Variants in CARM1 observed in about 807,000 individuals in gnomAD.
CARM1 encodes the protein coactivator associated arginine methyltransferase 1, also known as histone-arginine methyltransferase CARM1.
Under a neutral mutation model 72.7 loss-of-function variants are expected in CARM1, and 14 were observed. The observed-to-expected ratio is 0.19, with a 90% confidence interval of 0.13 to 0.30. The LOEUF is 0.30. CARM1 is among the 10% of genes least tolerant of loss of function. CARM1 has a pLI of 1.00. For synonymous variants in CARM1, 333 were observed against 345.5 expected (o/e 0.96, Z 0.40); for missense variants, 432 against 833.7 (o/e 0.52, Z 5.93).
chr19:10,885,542 C>G (rs963942627), intron 1 of CARM1, among the ~76,000 whole-genome samples: 7 of 152,332 alleles, frequency 4.6e-5, no homozygotes, highest in African/African-American at 1.7e-4. Context: ...CCAATCAGTG[C>G]TCTCGTGAAA....
chr19:10,881,026 C>T (rs1414621016), intron 1 of CARM1, among the ~76,000 whole-genome samples: 1 of 152,120 alleles, frequency 6.6e-6, no homozygotes, highest in Admixed American at 6.6e-5. Flanking sequence ...AATTAGCCGG[C>T]ATGGTGGCAC....
intron 1 of CARM1, among the ~76,000 whole-genome samples, chr19:10,874,204 GC>G (rs1478438290): frequency 6.6e-6 from 1 of 151,126 alleles, no homozygotes; most frequent in East Asian, 2.0e-4. Flanking sequence ...TGATCTTCCT[GC>G]CTCCCAGAAT....
At chr19:10,881,620 G>C (rs564368094) in intron 1 of CARM1, among the ~76,000 whole-genome samples, 1 of 152,112 alleles carries the variant, frequency 6.6e-6, no homozygotes, top group Non-Finnish European at 1.5e-5. Flanking sequence ...GGGCTGGGGT[G>C]GGGGAGGGGC....
In CARM1 at chr19:10,913,947, T is replaced by C; in HGVS notation, c.740T>C (p.Leu247Pro). 1 of 1,613,618 alleles carries C rather than the reference T, an allele frequency of 6.2e-7. No homozygotes were observed. Residue 247 changes from leucine (L) to proline (P), a missense_variant, in exon 6 of 16, where the codon CTC becomes CCC. By Grantham distance (98) the Leu-to-Pro change is moderately conservative. Around this residue, in one of 3 missense-constraint regions of CARM1, gnomAD observed 152 missense variants for 452.8 expected, o/e 0.34. Transcript: ENST00000327064. ...CCGGGCAAGGTGGAGGAGGTGTCAC[T>C]CCCCGAGCAGGTGGACATCATCATC... is the stretch of plus-strand genomic sequence containing the variant. ...VIPGKVEEVS[L>P]PEQVDIIISE...
intron 1 of CARM1, among the ~76,000 whole-genome samples, chr19:10,880,570 T>C (rs1435176274): frequency 6.7e-6 from 1 of 149,458 alleles, no homozygotes; most frequent in Non-Finnish European, 1.5e-5. Context: ...CTCAGGCGGA[T>C]GTGGAACTCC....
At position 10,915,489 on chromosome 19, in the gene CARM1, T is replaced by C. The variant is rs1568355994; in HGVS notation, c.848-918T>C. 6.6e-6 allele frequency among the ~76,000 whole-genome samples: 1 copy of C among 152,058 alleles called. No individual in the cohort carries two copies. Among genetic ancestry groups the C allele is most frequent in the East Asian group, 1.9e-4 (1 of 5,176 alleles). On this transcript the variant is annotated intron_variant, in intron 6 of 15. Coordinates refer to ENST00000327064, the MANE Select transcript of CARM1 (RefSeq NM_199141.2). This position sits in a 1 kb window ranked among gnomAD's most constrained non-coding sequence, Gnocchi z 4.6. ...GCAGCCCTCCCCTCTCCCAGTCACA[T>C]GTCTTCTGGTCAGCAGGAGCCAGAG...
chr19:10,921,686 A>C lies in CARM1; in HGVS notation c.1756A>C (p.Met586Leu). 6.2e-7 allele frequency: 1 copy of C among 1,613,614 alleles called. No individual in the cohort carries two copies. Among genetic ancestry groups the C allele is most frequent in the African/African-American group, 1.3e-5 (1 of 75,054 alleles). The part of the protein sequence containing the change: ...AHYAVNSQFT[M>L]GGPAISMASP... ...CTATGCAGTCAACAGCCAGTTCACC[A>C]TGGGCGGCCCCGCCATCTCCATGGC... Residue 586 changes from methionine (M) to leucine (L), a missense_variant, in exon 16 of 16, where the codon ATG becomes CTG. Met to Leu is a conservative substitution (Grantham distance 15). Around this residue, in one of 3 missense-constraint regions of CARM1, gnomAD observed 142 missense variants for 188.7 expected, o/e 0.75. Transcript: ENST00000327064.
chr19:10,915,530 G>A lies in CARM1; in HGVS notation c.848-877G>A, dbSNP rs2074188408. Among the ~76,000 whole-genome samples, 1 of 152,082 alleles carries A rather than the reference G, an allele frequency of 6.6e-6. No homozygotes were observed. The highest frequency in any genetic ancestry group is 1.5e-5 in the Non-Finnish European group (1 of 67,992). ...GGAGCCAGAGGTTCCTTCCAGGCTG[G>A]GTCACTTCCCATGGTGCCCCCAGGT... On this transcript the variant is annotated intron_variant, in intron 6 of 15. Transcript: ENST00000327064. This position sits in a 1 kb window ranked among gnomAD's most constrained non-coding sequence, Gnocchi z 4.6.
At position 10,922,104 on chromosome 19, in the gene CARM1, C is replaced by CCCCT. The variant is rs1343435026; in HGVS notation, c.*348_*351dup. ...CCTGCCAGGTCCCTTAGCACCTGTC[C>CCCCT]CCCTGCCTGTCTCCAGTGGGAAGGT... On this transcript the variant is annotated 3_prime_UTR_variant, in exon 16 of 16. Transcript: ENST00000327064. 1 of 195,716 alleles carries CCCCT rather than the reference C, an allele frequency of 5.1e-6. No homozygotes were observed. The highest frequency in any genetic ancestry group is 2.3e-5 in the African/African-American group (1 of 43,088). 12.1% of individuals were successfully genotyped at this position (195,716 alleles called of 1,614,324 possible).
chr19:10,895,000 T>A (rs1045507039), intron 1 of CARM1, among the ~76,000 whole-genome samples: 3 of 152,072 alleles, frequency 2.0e-5, no homozygotes, highest in African/African-American at 7.2e-5. Context: ...CCCGCTCAGC[T>A]TTCCAAAGTG....
intron 2 of CARM1, among the ~76,000 whole-genome samples, chr19:10,907,325 T>C (rs2074113158): frequency 6.6e-6 from 1 of 152,154 alleles, no homozygotes; most frequent in South Asian, 2.1e-4. Context: ...TGAGAACCAC[T>C]GTCCCCAGCC....
chr19:10,894,741 CT>C (rs1157450775), intron 1 of CARM1, among the ~76,000 whole-genome samples: 20 of 134,286 alleles, frequency 1.5e-4, no homozygotes, highest in South Asian at 2.4e-4. Context: ...CTCTCTCTCT[CT>C]TTTTTTTTTT....
intron 1 of CARM1, among the ~76,000 whole-genome samples, chr19:10,886,639 A>T (rs866372437): frequency 2.0e-5 from 3 of 151,978 alleles, no homozygotes; most frequent in South Asian, 2.1e-4. Context: ...CAGCCTGGCC[A>T]AGATGGTGAA....
intron 1 of CARM1, among the ~76,000 whole-genome samples, chr19:10,880,592 G>A (rs1188911020): frequency 4.0e-5 from 6 of 150,240 alleles, no homozygotes; most frequent in Non-Finnish European, 7.4e-5. Context: ...GGGCTCAAGC[G>A]ATTCTCCTAC....
intron 1 of CARM1, among the ~76,000 whole-genome samples, chr19:10,885,546 C>T (rs1177612574): frequency 2.6e-5 from 4 of 152,102 alleles, no homozygotes; most frequent in Admixed American, 2.0e-4. Context: ...TCAGTGCTCT[C>T]GTGAAAGAGG....
chr19:10,890,496 G>A (rs534408864), intron 1 of CARM1, among the ~76,000 whole-genome samples: 1 of 151,382 alleles, frequency 6.6e-6, no homozygotes, highest in African/African-American at 2.4e-5. Flanking sequence ...TCAAACTCCT[G>A]ACCTCGGGTG....
rs1438674875 is a variant in CARM1, at chr19:10,896,045, G to T, written c.221-8906G>T. ...CAGTGAGACTGCAGACATTGGCAGG[G>T]GGCTGGTTCCGGAAGGTGCTGGGGA... On this transcript the variant is annotated intron_variant, in intron 1 of 15. Transcript: ENST00000327064. This position sits in a 1 kb window ranked among gnomAD's most constrained non-coding sequence, Gnocchi z 5.2. Among the ~76,000 whole-genome samples, 2 of 152,092 alleles carry T rather than the reference G, an allele frequency of 1.3e-5. No individual in the cohort carries two copies. The highest frequency in any genetic ancestry group is 2.9e-5 in the Non-Finnish European group (2 of 68,012).
At chr19:10,892,541 G>A (rs925012896) in intron 1 of CARM1, among the ~76,000 whole-genome samples, 3 of 152,236 alleles carry the variant, frequency 2.0e-5, no homozygotes, top group Non-Finnish European at 4.4e-5. Context: ...TACGGCAGGA[G>A]AGGGAGGCCA....
intron 9 of CARM1, 72 bp downstream of exon 9, chr19:10,919,752 C>A (rs1199321784): frequency 1.3e-6 from 2 of 1,520,778 alleles, no homozygotes; most frequent in Non-Finnish European, 1.8e-6. Context: ...TGGCTCCCGC[C>A]GGCATCCTGC....
Sources: allele counts gnomAD v4.1 joint callset (sites outside exome capture counted in the v4.1 genomes callset), GRCh38; gene constraint gnomAD v4.1.1; regional missense constraint gnomAD v4.1.1; non-coding constraint Gnocchi (gnomAD v3.1); transcripts MANE v1.5; gene names NCBI Gene and HGNC (gene_info 2026-07-23, HGNC 2026-07-21).